Variants in FANCA observed in about 807,000 individuals in gnomAD.
The protein encoded by FANCA is Fanconi anemia group A protein.
Under a neutral mutation model 194.3 loss-of-function variants are expected in FANCA, and 236 were observed. That is an observed-to-expected ratio of 1.21 (90% CI 1.09 to 1.35). The LOEUF (loss-of-function observed/expected upper bound fraction) is 1.35. Ranked by LOEUF, FANCA falls within the 40% of genes most tolerant of loss-of-function variation. The pLI is 0.00. For missense variants in FANCA, 2,628 were observed against 1,813.9 expected, an observed-to-expected ratio of 1.45 and a Z score of -8.15; for synonymous variants, 1,014 against 715.8, an observed-to-expected ratio of 1.42 and a Z score of -6.65.
At chr16:89,806,822 A>C (rs1202996055) in intron 6 of FANCA, among the ~76,000 whole-genome samples, 1 of 152,170 alleles carries the variant, frequency 6.6e-6, no homozygotes, top group African/African-American at 2.4e-5. Context: ...TATTCCATAA[A>C]ACCGCCATTG....
chr16:89,769,353 T>C (rs1323389595), intron 26 of FANCA, among the ~76,000 whole-genome samples: 1 of 152,170 alleles, frequency 6.6e-6, no homozygotes, highest in Non-Finnish European at 1.5e-5. Flanking sequence ...AGGGAGCCCT[T>C]GAGGCACTGA....
At position 89,779,888 on chromosome 16, in the gene FANCA, C is replaced by G. The variant is rs768538764; in HGVS notation, c.1696G>C (p.Val566Leu). ...GCCTACCTGGCCTCCATGACGGTGA[C>G]TGGGATGTTCCCCGTATGCTCAAAC... ...MVFEHTGNIP[V>L]TVMEASIFRR... The change falls in exon 18 of 43, where the codon GTC (valine) becomes CTC (leucine). Residue 566 changes from valine (V) to leucine (L), a missense_variant. Coordinates refer to ENST00000389301, the MANE Select transcript of FANCA (RefSeq NM_000135.4). The G allele has an allele frequency of 3.7e-6, 6 of 1,613,802 alleles. No homozygotes were observed. Among genetic ancestry groups the G allele is most frequent in the African/African-American group, 1.3e-5 (1 of 74,928 alleles).
At chr16:89,795,112 C>A (rs936673508) in intron 11 of FANCA, among the ~76,000 whole-genome samples, 1 of 151,842 alleles carries the variant, frequency 6.6e-6, no homozygotes, top group East Asian at 1.9e-4. Flanking sequence ...TGGTGAAAGC[C>A]CGTCTCTACT....
intron 8 of FANCA, among the ~76,000 whole-genome samples, chr16:89,799,870 T>C (rs1181542072): frequency 6.6e-6 from 1 of 152,168 alleles, no homozygotes; most frequent in African/African-American, 2.4e-5. Context: ...GCGGACGCCC[T>C]GTAGTCTCAG....
At chr16:89,771,853 C>G (rs760538712) in intron 22 of FANCA, 39 bp from the exon 23 acceptor site, 5 of 1,612,206 alleles carry the variant, frequency 3.1e-6, no homozygotes, top group Non-Finnish European at 4.2e-6. Flanking sequence ...ACAAGAACCC[C>G]GAAAGGAGGG....
chr16:89,792,906 G>C (rs960490767), intron 11 of FANCA, among the ~76,000 whole-genome samples: 6 of 152,190 alleles, frequency 3.9e-5, no homozygotes, highest in Non-Finnish European at 7.3e-5. Context: ...AGAGGGAGAG[G>C]AGATAGAGAC....
intron 10 of FANCA, chr16:89,798,561 G>C (rs1278859488): frequency 8.8e-7 from 1 of 1,134,652 alleles, no homozygotes; most frequent in Non-Finnish European, 1.1e-6. Context: ...CCACACTAGA[G>C]GGAAGCAAAC....
At chr16:89,796,763 C>T (rs2040261378) in intron 10 of FANCA, among the ~76,000 whole-genome samples, 1 of 152,224 alleles carries the variant, frequency 6.6e-6, no homozygotes, top group South Asian at 2.1e-4. Flanking sequence ...TGGCTCATGC[C>T]TGTAATCCCA....
chr16:89,789,193 G>C (rs2039988793), intron 14 of FANCA, among the ~76,000 whole-genome samples: 1 of 151,786 alleles, frequency 6.6e-6, no homozygotes, highest in African/African-American at 2.4e-5. Flanking sequence ...AGGTGAGAAG[G>C]AACTTTAAGG....
intron 26 of FANCA, among the ~76,000 whole-genome samples, chr16:89,768,204 G>A (rs142414018): frequency 9.9e-5 from 15 of 152,198 alleles, no homozygotes; most frequent in African/African-American, 3.1e-4. Flanking sequence ...CTTCAGCCTG[G>A]GGGACACAGT....
At position 89,771,678 on chromosome 16, in the gene FANCA, C is replaced by T. The variant is rs1131660; in HGVS notation, c.2151G>A (p.Met717Ile). 6.2e-7 allele frequency: 1 copy of T among 1,614,110 alleles called. No homozygotes were observed. The highest frequency in any genetic ancestry group is 1.1e-5 in the South Asian group (1 of 91,078). Residue 717 changes from methionine (M) to isoleucine (I), a missense_variant and splice_region_variant, in exon 23 of 43, where the codon ATG becomes ATA. Met to Ile is a conservative substitution (Grantham distance 10). Transcript: ENST00000389301. ...NTPRLEPREH[M>I]AVDLLLTSFC... ...CTTTGTTCTGAGCCCCTACACCTAC[C>T]ATGTGTTCCCGTGGCTCCAGTCTCG... is the stretch of plus-strand genomic sequence containing the variant.
rs200215131 is a variant in FANCA, at chr16:89,739,539, G to A, written c.3949C>T (p.Arg1317Trp). ...TCCGGGGCCACACGGAGGAGGAGCC[G>A]CCCCAGCCTGAGGTCTGCAACACCA... ...QLTESDLRLG[R>W]LLLRVAPDQH... Residue 1317 changes from arginine (R) to tryptophan (W), a missense_variant, in exon 40 of 43, where the codon CGG (arginine) becomes TGG (tryptophan). Arg to Trp is a moderately radical substitution (Grantham distance 101). Coordinates refer to ENST00000389301, the MANE Select transcript of FANCA (RefSeq NM_000135.4). 38 of 1,551,270 alleles carry A rather than the reference G, an allele frequency of 2.4e-5. No individual in the cohort carries two copies. Among genetic ancestry groups the A allele is most frequent in the Middle Eastern group, 1.7e-4 (1 of 5,942 alleles).
Position 89,739,293 on chromosome 16 carries a change from G to C in FANCA, c.4011-4C>G, listed in dbSNP as rs372364590. The C allele has an allele frequency of 2.5e-6, 4 of 1,614,036 alleles. No individual in the cohort carries two copies. Among genetic ancestry groups the C allele is most frequent in the East Asian group, 2.2e-5 (1 of 44,904 alleles). ...TTCATGGAAGTAGGAGAGAAGACTA[G>C]AGGTAAAGACATAGTGACAAATGGC... On this transcript the variant is annotated splice_region_variant and splice_polypyrimidine_tract_variant and intron_variant, in intron 40 of 42. Coordinates refer to ENST00000389301, the MANE Select transcript of FANCA (RefSeq NM_000135.4).
intron 27 of FANCA, among the ~76,000 whole-genome samples, chr16:89,765,720 T>A (rs1313654201): frequency 6.6e-6 from 1 of 152,244 alleles, no homozygotes; most frequent in African/African-American, 2.4e-5. Flanking sequence ...CCCATGTTTA[T>A]AACCAGCCTG....
Position 89,764,733 on chromosome 16 carries a change from C to T in FANCA, c.2778+157G>A, listed in dbSNP as rs554580119. On this transcript the variant is annotated intron_variant, in intron 28 of 42. Coordinates refer to ENST00000389301, the MANE Select transcript of FANCA (RefSeq NM_000135.4). Reference sequence around the variant, plus strand: ...CGGCACACGCACCCTAGACTCGAGACGAGGAGACAGTCGGCACACACACAC... The same window carrying T: ...CGGCACACGCACCCTAGACTCGAGATGAGGAGACAGTCGGCACACACACAC... 1.3e-4 allele frequency: 112 copies of T among 886,240 alleles called. 3 individuals carry two copies. Among genetic ancestry groups the T allele is most frequent in the South Asian group, 7.9e-4 (59 of 75,034 alleles). The allele number at this position is 886,240 out of a possible 1,614,324, so 54.9% of individuals were successfully genotyped here.
chr16:89,812,668 A>C (rs1191805820), intron 3 of FANCA, among the ~76,000 whole-genome samples: 1 of 149,160 alleles, frequency 6.7e-6, no homozygotes, highest in Admixed American at 6.6e-5. Context: ...AAAAAAAAAA[A>C]AACTGTTAAC....
chr16:89,787,052 C>T (rs112745187), intron 14 of FANCA, among the ~76,000 whole-genome samples: 9 of 152,346 alleles, frequency 5.9e-5, no homozygotes, highest in African/African-American at 1.9e-4. Flanking sequence ...CTAAGTGACA[C>T]GCGCAAGCCA....
At position 89,738,341 on chromosome 16, in the gene FANCA, G is replaced by T. The variant is rs1292477431; in HGVS notation, c.*260C>A. The T allele has an allele frequency of 6.7e-7, 1 of 1,494,652 alleles. No individual in the cohort carries two copies. The highest frequency in any genetic ancestry group is 2.5e-5 in the East Asian group (1 of 40,558). 92.6% of individuals were successfully genotyped at this position (1,494,652 alleles called of 1,614,324 possible). A position where few individuals can be genotyped will look rare whatever the true frequency, so the allele number is the denominator to read the frequency against. On this transcript the variant is annotated 3_prime_UTR_variant, in exon 43 of 43. Transcript: ENST00000389301. Reference sequence around the variant, plus strand: ...TGTGCACCCGCATGGGAGGGTCGGAGGGTGCTGCCCGCCCTTGGTGCTGGA... The same window carrying T: ...TGTGCACCCGCATGGGAGGGTCGGATGGTGCTGCCCGCCCTTGGTGCTGGA...
At chr16:89,811,191 A>G in intron 3 of FANCA, 120 bp from the exon 4 acceptor site, 2 of 1,237,026 alleles carry the variant, frequency 1.6e-6, no homozygotes, top group Non-Finnish European at 2.3e-6. Context: ...TGCCTTTTAA[A>G]CGGGGAGAAT....
Sources: gnomAD v4.1 joint callset for allele counts (sites outside exome capture counted in the v4.1 genomes callset) on GRCh38, gnomAD v4.1.1 for gene constraint, MANE v1.5 for transcripts, NCBI Gene and HGNC (gene_info 2026-07-23, HGNC 2026-07-21) for gene names.